The following ZNF292 variants were observed in gnomAD, a reference collection of about 807,000 sequenced individuals.
The protein encoded by ZNF292 is zinc finger protein 292, also known as 16 zinc-finger domain protein.
Under a neutral mutation model 217.9 loss-of-function variants are expected in ZNF292, and 26 were observed. The observed-to-expected ratio is 0.12, with a 90% CI of 0.09 to 0.17. The LOEUF (loss-of-function observed/expected upper bound fraction) is 0.17. ZNF292 is among the 10% of genes least tolerant of loss of function. The probability of loss-of-function intolerance (pLI) is 1.00; values close to 1 mark genes in which losing one functional copy is unlikely to be tolerated. For synonymous variants in ZNF292, 1,257 were observed against 1,124.1 expected (o/e 1.12, Z -2.37); for missense variants, 2,904 against 3,175.2 (o/e 0.91, Z 2.05).
rs529328158 is a variant in ZNF292, at chr6:87,254,081, T to C, written c.1021-569T>C. Among the ~76,000 whole-genome samples the C allele has an allele frequency of 3.3e-5, 5 of 152,316 alleles. No individual in the cohort carries two copies. In the East Asian group the frequency reaches 7.7e-4, roughly 23 times the overall value. Reference sequence around the variant, plus strand: ...TATGATAGCACTAGAATCTCCACTATTAGGGATTAGTACCTTATTTTATAG... The same window carrying C: ...TATGATAGCACTAGAATCTCCACTACTAGGGATTAGTACCTTATTTTATAG... On this transcript the variant is annotated intron_variant, in intron 7 of 7. Transcript: ENST00000369577.
At chr6:87,192,281 A>G (rs1771840413) in intron 1 of ZNF292, among the ~76,000 whole-genome samples, 1 of 152,118 alleles carries the variant, frequency 6.6e-6, no homozygotes, top group Admixed American at 6.5e-5. Context: ...AAATATCTCA[A>G]CAGTCTTTCT....
At chr6:87,222,257 C>T (rs1773119529) in intron 4 of ZNF292, among the ~76,000 whole-genome samples, 1 of 152,020 alleles carries the variant, frequency 6.6e-6, no homozygotes, top group South Asian at 2.1e-4. Flanking sequence ...AGGTCATGTC[C>T]AGAAATCAAG....
At chr6:87,169,215 A>T (rs984414083) in intron 1 of ZNF292, among the ~76,000 whole-genome samples, 1 of 151,566 alleles carries the variant, frequency 6.6e-6, no homozygotes, top group African/African-American at 2.4e-5. Flanking sequence ...TAATTTTTGT[A>T]TTTTTAGTGA....
At position 87,262,033 on chromosome 6, in the gene ZNF292, AACCTC is replaced by A. The variant is rs1775633761; in HGVS notation, c.*234_*238del. On this transcript the variant is annotated 3_prime_UTR_variant, in exon 8 of 8. Transcript: ENST00000369577. ...TTCAGTTATTGTAAATAGTGAGCTA[AACCTC>A]AAATTTCTATCACCCAGTTGCCCTT... 3.3e-6 allele frequency: 1 copy of A among 302,698 alleles called. No individual in the cohort carries two copies. The highest frequency in any genetic ancestry group is 6.1e-6 in the Non-Finnish European group (1 of 164,646). 18.8% of individuals were successfully genotyped at this position (302,698 alleles called of 1,614,324 possible). A position where few individuals can be genotyped will look rare whatever the true frequency, so the allele number is the denominator to read the frequency against.
chr6:87,239,384 C>G (rs9450640), intron 5 of ZNF292, among the ~76,000 whole-genome samples: 9 of 146,804 alleles, frequency 6.1e-5, no homozygotes, highest in Non-Finnish European at 1.4e-4. Flanking sequence ...GGGCGGCTGG[C>G]GGGCCGGGGG....
rs1775763341 is a variant in ZNF292 at position 87,264,894 on chromosome 6, T to A, written c.*3093T>A. Among the ~76,000 whole-genome samples the A allele has an allele frequency of 6.6e-6, 1 of 152,116 alleles. No individual in the cohort carries two copies. Among genetic ancestry groups the A allele is most frequent in the Non-Finnish European group, 1.5e-5 (1 of 68,018 alleles). ...AAGTTGGAGATTAATTAGGGGGACC[T>A]AAAATAGTCCAGGCAAAAAATGATG... On this transcript the variant is annotated 3_prime_UTR_variant, in exon 8 of 8. Coordinates refer to ENST00000369577, the MANE Select transcript of ZNF292 (RefSeq NM_015021.3).
chr6:87,231,128 A>G (rs1012200364), intron 4 of ZNF292, among the ~76,000 whole-genome samples: 4 of 152,124 alleles, frequency 2.6e-5, no homozygotes, highest in East Asian at 1.9e-4. Context: ...GAGAAGTGGG[A>G]AAAAAAAGTA....
At chr6:87,175,835 A>G (rs1203292478) in intron 1 of ZNF292, among the ~76,000 whole-genome samples, 1 of 152,226 alleles carries the variant, frequency 6.6e-6, no homozygotes, top group African/African-American at 2.4e-5. Context: ...AGATCTGGCA[A>G]TATTGAACTG....
intron 1 of ZNF292, among the ~76,000 whole-genome samples, chr6:87,195,276 T>C (rs188309641): frequency 1.1e-4 from 17 of 152,296 alleles, no homozygotes; most frequent in African/African-American, 4.1e-4. Context: ...TATGTAAACA[T>C]TTAAGGAACA....
intron 4 of ZNF292, among the ~76,000 whole-genome samples, chr6:87,230,725 C>G (rs1773609245): frequency 6.7e-6 from 1 of 148,760 alleles, no homozygotes; most frequent in African/African-American, 2.5e-5. Flanking sequence ...CAGAGAGAGA[C>G]TCCGTCTTAA....
intron 4 of ZNF292, chr6:87,223,564 A>G (rs1305783177): frequency 6.6e-6 from 1 of 152,244 alleles, no homozygotes; most frequent in Non-Finnish European, 1.5e-5. Context: ...AGCAGTATCT[A>G]CATGTTATCT....
rs150680162 is a variant in ZNF292, at chr6:87,162,672, C to A, written c.168+6913C>A. Among the ~76,000 whole-genome samples, 573 of 152,280 alleles carry A rather than the reference C, an allele frequency of 3.8e-3. 7 individuals carry two copies. Among genetic ancestry groups the A allele is most frequent in the African/African-American group, 0.012 (504 of 41,558 alleles). ...TTTCAGCAAAACTAAGCTTTGCTTG[C>A]CCCCTTCTTATCCTTTTTGGACCTA... On this transcript the variant is annotated intron_variant, in intron 1 of 7. Transcript: ENST00000369577.
intron 5 of ZNF292, among the ~76,000 whole-genome samples, chr6:87,237,575 C>A (rs1382327412): frequency 1.3e-5 from 2 of 152,260 alleles, no homozygotes; most frequent in East Asian, 3.9e-4. Context: ...ACAGCCAATA[C>A]TTTTTAAAAG....
intron 1 of ZNF292, among the ~76,000 whole-genome samples, chr6:87,157,093 G>A (rs1272467521): frequency 6.6e-6 from 1 of 152,028 alleles, no homozygotes; most frequent in East Asian, 1.9e-4. Context: ...TCTTTATTAT[G>A]TCGGGGATAC....
At chr6:87,198,043 T>TTCA (rs1159243035) in intron 1 of ZNF292, among the ~76,000 whole-genome samples, 1 of 152,154 alleles carries the variant, frequency 6.6e-6, no homozygotes, top group African/African-American at 2.4e-5. Context: ...TATTTTCTTT[T>TTCA]TCATCAGTTT....
chr6:87,243,500 C>G lies in ZNF292; in HGVS notation c.767C>G (p.Ala256Gly). 6.5e-7 allele frequency: 1 copy of G among 1,547,336 alleles called. No individual in the cohort carries two copies. The change falls in exon 6 of 8, where the codon GCA becomes GGA. Residue 256 changes from alanine to glycine, a missense_variant. This residue lies in a region of ZNF292 where 313 missense variants were observed against 451.0 expected (regional missense o/e 0.69). Coordinates refer to ENST00000369577, the MANE Select transcript of ZNF292 (RefSeq NM_015021.3). ...ATTTCAGAAGTTGATTGCAAAGATG[C>G]ACTGGAAATGATCTGTAACTTAGAA... ...EEISEVDCKDALEMICNLESE... is the reference protein window; with the variant it reads ...EEISEVDCKDGLEMICNLESE...
chr6:87,237,743 C>T (rs1360712291), intron 5 of ZNF292, among the ~76,000 whole-genome samples: 1 of 152,160 alleles, frequency 6.6e-6, no homozygotes, highest in Non-Finnish European at 1.5e-5. Flanking sequence ...GTGTCTTTAG[C>T]AAACAGATCA....
chr6:87,196,574 C>G (rs1771958364), intron 1 of ZNF292, among the ~76,000 whole-genome samples: 1 of 152,208 alleles, frequency 6.6e-6, no homozygotes, highest in South Asian at 2.1e-4. Flanking sequence ...ATGCACATCT[C>G]TTATTTACTT....
chr6:87,190,860 C>T (rs559457793), intron 1 of ZNF292, among the ~76,000 whole-genome samples: 13 of 152,262 alleles, frequency 8.5e-5, no homozygotes, highest in Admixed American at 2.0e-4. Flanking sequence ...TTTTTCTTTA[C>T]TGTTTCTTCT....
Sources: allele counts gnomAD v4.1 joint callset (sites outside exome capture counted in the v4.1 genomes callset), GRCh38; gene constraint gnomAD v4.1.1; regional missense constraint gnomAD v4.1.1; transcripts MANE v1.5; gene names NCBI Gene and HGNC (gene_info 2026-07-23, HGNC 2026-07-21).